Variants in MGAT5 observed in about 807,000 individuals in gnomAD.
The protein encoded by MGAT5 is alpha-1,6-mannosylglycoprotein 6-beta-N-acetylglucosaminyltransferase.
Under a neutral mutation model 94.3 loss-of-function variants are expected in MGAT5, and 30 were observed. The observed-to-expected ratio is 0.32, with a 90% CI of 0.24 to 0.43. The LOEUF is 0.43. Among genes scored for constraint, MGAT5 ranks in the 20% least tolerant of loss-of-function variants. MGAT5 has a pLI of 1.00. For missense variants in MGAT5, 691 were observed against 905.5 expected, an observed-to-expected ratio of 0.76 and a Z score of 3.04; for synonymous variants, 310 against 322.9, an observed-to-expected ratio of 0.96 and a Z score of 0.43.
intron 10 of MGAT5, among the ~76,000 whole-genome samples, chr2:134,381,074 A>G (rs1409013848): frequency 2.0e-5 from 3 of 151,984 alleles, no homozygotes; most frequent in Non-Finnish European, 4.4e-5. Flanking sequence ...GTCCTTGCAT[A>G]TAGAAGAGCC....
chr2:134,288,182 G>A (rs1685127907), intron 2 of MGAT5, among the ~76,000 whole-genome samples: 1 of 152,130 alleles, frequency 6.6e-6, no homozygotes, highest in African/African-American at 2.4e-5. Flanking sequence ...TGAGGGTGGA[G>A]GCACCTGAAA....
chr2:134,164,303 A>G (rs989662861), intron 1 of MGAT5, among the ~76,000 whole-genome samples: 15 of 152,334 alleles, frequency 9.8e-5, no homozygotes, highest in African/African-American at 3.6e-4. Context: ...TCCAACTTTC[A>G]GTGAAGCAAT....
Position 134,135,690 on chromosome 2 carries a change from C to CAAAA in MGAT5, c.-143+15420_-143+15423dup, listed in dbSNP as rs59026836. ...CTGGCAACAGAGTGAGACTCCATCT[C>CAAAA]AAAAAAAAAAAAAAAAAAAAAAAAG... On this transcript the variant is annotated intron_variant, in intron 1 of 16. Coordinates refer to the MGAT5 transcript ENST00000409645. Among the ~76,000 whole-genome samples the CAAAA allele has an allele frequency of 5.5e-3, 229 of 41,668 alleles. 7 individuals carry two copies. Among genetic ancestry groups the CAAAA allele is most frequent in the East Asian group, 0.012 (15 of 1,208 alleles). The allele number at this position is 41,668 out of a possible 152,430, so 27.3% of individuals were successfully genotyped here.
intron 1 of MGAT5, among the ~76,000 whole-genome samples, chr2:134,258,894 G>GA (rs1303062437): frequency 6.6e-6 from 1 of 152,232 alleles, no homozygotes; most frequent in Non-Finnish European, 1.5e-5. Context: ...TGAGACATGA[G>GA]CAAAGTGCTG....
intron 10 of MGAT5, among the ~76,000 whole-genome samples, chr2:134,377,721 G>A (rs1416188308): frequency 6.6e-6 from 1 of 152,130 alleles, no homozygotes; most frequent in African/African-American, 2.4e-5. Context: ...CAGATGATGT[G>A]ACTTGGTCTT....
In MGAT5 at chr2:134,270,369, T is replaced by G. The variant is rs1353618514; in HGVS notation, c.242-17T>G. ...GAGGCCATAGAATTTTAAAATTGTC[T>G]GCACTTTCTTTTACAGATCTGAAGA... On this transcript the variant is annotated splice_polypyrimidine_tract_variant and intron_variant, in intron 1 of 15. Transcript: ENST00000281923. 11 of 1,611,664 alleles carry G rather than the reference T, an allele frequency of 6.8e-6. No homozygotes were observed. The highest frequency in any genetic ancestry group is 9.3e-6 in the Non-Finnish European group (11 of 1,178,292).
chr2:134,357,877 GA>G (rs33942316), intron 9 of MGAT5, among the ~76,000 whole-genome samples: 4 of 147,652 alleles, frequency 2.7e-5, no homozygotes, highest in African/African-American at 7.4e-5. Context: ...CCACCATTTG[GA>G]AAAAAAAAAA....
chr2:134,147,862 T>TA (rs1382074542), intron 1 of MGAT5, among the ~76,000 whole-genome samples: 4 of 152,240 alleles, frequency 2.6e-5, no homozygotes, highest in African/African-American at 9.6e-5. Context: ...TGGCATTTTC[T>TA]TCCATTGTGA....
chr2:134,143,720 AGAAG>A (rs1303176175), intron 1 of MGAT5, among the ~76,000 whole-genome samples: 1 of 152,220 alleles, frequency 6.6e-6, no homozygotes, highest in African/African-American at 2.4e-5. Flanking sequence ...TTACTGTGTT[AGAAG>A]ACCTGTGGAA....
intron 3 of MGAT5, 112 bp from the exon 4 acceptor site, chr2:134,318,538 G>T: frequency 1.3e-6 from 1 of 776,794 alleles, no homozygotes; most frequent in Non-Finnish European, 2.2e-6. Context: ...CAGTTCTTTA[G>T]GCCACAGCTT....
chr2:134,356,478 T>C (rs1449120616), intron 9 of MGAT5, among the ~76,000 whole-genome samples: 1 of 152,156 alleles, frequency 6.6e-6, no homozygotes, highest in East Asian at 1.9e-4. Context: ...CACTGAACAG[T>C]GTGTGTTTCC....
At chr2:134,141,211 C>T (rs1284650098) in intron 1 of MGAT5, among the ~76,000 whole-genome samples, 1 of 152,142 alleles carries the variant, frequency 6.6e-6, no homozygotes, top group African/African-American at 2.4e-5. Context: ...AGATGCCAAG[C>T]ACCACACTCT....
intron 1 of MGAT5, among the ~76,000 whole-genome samples, chr2:134,172,784 A>G (rs1460335759): frequency 5.3e-5 from 8 of 152,216 alleles, no homozygotes; most frequent in Non-Finnish European, 1.0e-4. Context: ...TCAGATGTTC[A>G]CCTTGGAGCA....
At chr2:134,361,873 C>T (rs1164271267) in intron 9 of MGAT5, among the ~76,000 whole-genome samples, 1 of 152,198 alleles carries the variant, frequency 6.6e-6, no homozygotes, top group Non-Finnish European at 1.5e-5. Context: ...GACTCTGCGC[C>T]TATTCAGAAC....
At chr2:134,378,538 TA>T (rs1162090381) in intron 10 of MGAT5, among the ~76,000 whole-genome samples, 9 of 152,124 alleles carry the variant, frequency 5.9e-5, no homozygotes, top group Non-Finnish European at 1.2e-4. Flanking sequence ...ACTGGACATT[TA>T]ACTAATCTAA....
chr2:134,150,096 G>T (rs1289095362), intron 1 of MGAT5, among the ~76,000 whole-genome samples: 1 of 152,154 alleles, frequency 6.6e-6, no homozygotes, highest in Non-Finnish European at 1.5e-5. Context: ...ATGGGTGGGG[G>T]TGAGGCCAAG....
chr2:134,337,877 TC>T (rs1393387882), intron 5 of MGAT5, among the ~76,000 whole-genome samples: 5 of 152,160 alleles, frequency 3.3e-5, no homozygotes, highest in African/African-American at 1.2e-4. Flanking sequence ...AGAATTGACT[TC>T]AGTTTTCTTA....
At chr2:134,374,516 T>C (rs1376534225) in intron 10 of MGAT5, among the ~76,000 whole-genome samples, 1 of 152,230 alleles carries the variant, frequency 6.6e-6, no homozygotes, top group Non-Finnish European at 1.5e-5. Flanking sequence ...AAGGGTATTA[T>C]GGCATTGAGA....
intron 10 of MGAT5, among the ~76,000 whole-genome samples, chr2:134,389,870 A>G (rs1017618676): frequency 6.6e-6 from 1 of 152,144 alleles, no homozygotes; most frequent in Non-Finnish European, 1.5e-5. Flanking sequence ...TCCCTTTCTC[A>G]CATTCAACTG....
Sources: allele counts gnomAD v4.1 joint callset (sites outside exome capture counted in the v4.1 genomes callset), GRCh38; gene constraint gnomAD v4.1.1; transcripts MANE v1.5; gene names NCBI Gene and HGNC (gene_info 2026-07-23, HGNC 2026-07-21).